Variants in CYRIA observed in about 807,000 individuals in gnomAD.
CYRIA encodes CYFIP-related Rac1 interactor A.
In CYRIA, 15 loss-of-function variants were observed where a neutral mutation model predicts 43.9. That is an observed-to-expected ratio of 0.34 (90% CI 0.23 to 0.53). CYRIA has a LOEUF of 0.53. Ranked by LOEUF, CYRIA falls within the 20% of genes least tolerant of loss-of-function variation. The pLI is 0.94. For synonymous variants in CYRIA, 117 were observed against 136.0 expected, an observed-to-expected ratio of 0.86 and a Z score of 0.97; for missense variants, 236 against 394.2, an observed-to-expected ratio of 0.60 and a Z score of 3.40.
chr2:16,562,592 C>T (rs1443508909), intron 5 of CYRIA, among the ~76,000 whole-genome samples: 1 of 152,122 alleles, frequency 6.6e-6, no homozygotes. Context: ...CTAACCTAAT[C>T]CCAAGAATAT....
chr2:16,581,396 A>C (rs1255921466), intron 3 of CYRIA, among the ~76,000 whole-genome samples: 1 of 152,170 alleles, frequency 6.6e-6, no homozygotes, highest in Admixed American at 6.5e-5. Context: ...ACACCATGGG[A>C]TGCTACCCCA....
chr2:16,624,198 C>T (rs1669090092), intron 1 of CYRIA, among the ~76,000 whole-genome samples, 179 bp from the exon 2 acceptor site: 1 of 152,168 alleles, frequency 6.6e-6, no homozygotes, highest in African/African-American at 2.4e-5. Context: ...TTGAGGCTCA[C>T]AGAAGAAAGC....
Position 16,557,121 on chromosome 2 carries a change from A to G in CYRIA, c.838-1982T>C, listed in dbSNP as rs897986787. 4.6e-5 allele frequency among the ~76,000 whole-genome samples: 7 copies of G among 152,296 alleles called. No homozygotes were observed. In the South Asian group the frequency reaches 8.3e-4, roughly 18 times the overall value. On this transcript the variant is annotated intron_variant, in intron 10 of 11. Transcript: ENST00000381323. ...TCTAAGGAAATCAATTGAAAACACC[A>G]TCTCCCCAAACCCTCCTTTCCTGGC...
chr2:16,593,727 T>G (rs1213876050), intron 2 of CYRIA, among the ~76,000 whole-genome samples: 11 of 142,192 alleles, frequency 7.7e-5, no homozygotes, highest in Non-Finnish European at 1.1e-4. Context: ...TGTTTTTTTT[T>G]TTTTTTTTTT....
At chr2:16,590,607 A>G (rs1219953818) in intron 2 of CYRIA, among the ~76,000 whole-genome samples, 2 of 152,156 alleles carry the variant, frequency 1.3e-5, no homozygotes, top group Non-Finnish European at 2.9e-5. Context: ...AACACAAGTA[A>G]AAGTATGTCC....
chr2:16,560,803 G>A, intron 9 of CYRIA, 187 bp downstream of exon 9: 1 of 605,258 alleles, frequency 1.7e-6, no homozygotes, highest in Admixed American at 2.9e-5. Context: ...TTGGGCCTCA[G>A]CTTCTTCAGC....
intron 3 of CYRIA, among the ~76,000 whole-genome samples, chr2:16,580,456 T>A (rs1253181022): frequency 6.6e-6 from 1 of 152,150 alleles, no homozygotes; most frequent in Non-Finnish European, 1.5e-5. Context: ...CACTTTTATA[T>A]TAAAAACTGT....
At chr2:16,593,672 T>G (rs1484327305) in intron 2 of CYRIA, among the ~76,000 whole-genome samples, 1 of 150,990 alleles carries the variant, frequency 6.6e-6, no homozygotes, top group Non-Finnish European at 1.5e-5. Context: ...CATCAAAGAT[T>G]TAACTTTATT....
At chr2:16,560,856 T>C in intron 9 of CYRIA, 134 bp downstream of exon 9, 1 of 770,398 alleles carries the variant, frequency 1.3e-6, no homozygotes, top group Non-Finnish European at 2.2e-6. Flanking sequence ...GAGTTCTTAG[T>C]GAAATTAAAG....
chr2:16,651,242 A>C (rs1452631990), intron 1 of CYRIA, among the ~76,000 whole-genome samples: 1 of 152,160 alleles, frequency 6.6e-6, no homozygotes, highest in Non-Finnish European at 1.5e-5. Flanking sequence ...ATACCCACAG[A>C]TGCTGTTTTC....
At chr2:16,660,411 G>A (rs1217831944) in intron 1 of CYRIA, among the ~76,000 whole-genome samples, 1 of 152,106 alleles carries the variant, frequency 6.6e-6, no homozygotes, top group Non-Finnish European at 1.5e-5. Flanking sequence ...CGCCCATGTG[G>A]AGGGAAATTG....
At chr2:16,646,262 C>T (rs921855534) in intron 1 of CYRIA, among the ~76,000 whole-genome samples, 2 of 152,238 alleles carry the variant, frequency 1.3e-5, no homozygotes, top group Non-Finnish European at 2.9e-5. Context: ...GGCCACTACC[C>T]TGTGGCTACA....
chr2:16,630,557 C>A (rs1019564170), intron 1 of CYRIA, among the ~76,000 whole-genome samples: 1 of 152,152 alleles, frequency 6.6e-6, no homozygotes, highest in African/African-American at 2.4e-5. Context: ...AAAACACCTG[C>A]CAAACTGGCT....
chr2:16,555,190 GCCAATATCTAC>G (rs934875505), intron 10 of CYRIA, 51 bp from the exon 11 acceptor site: 1 of 1,462,532 alleles, frequency 6.8e-7, no homozygotes, highest in African/African-American at 1.4e-5. Flanking sequence ...TACTGTCTAT[GCCAATATCTAC>G]CCATAATAAC....
At chr2:16,619,960 GA>G (rs1668943603) in intron 2 of CYRIA, among the ~76,000 whole-genome samples, 4 of 152,196 alleles carry the variant, frequency 2.6e-5, no homozygotes, top group Non-Finnish European at 5.9e-5. Flanking sequence ...CCTGGGCAGA[GA>G]ACACATTTCA....
At chr2:16,579,330 C>A (rs1667464527) in intron 3 of CYRIA, among the ~76,000 whole-genome samples, 1 of 151,420 alleles carries the variant, frequency 6.6e-6, no homozygotes, top group Admixed American at 6.6e-5. Flanking sequence ...CCAGAGAGAC[C>A]TTGTTATGTG....
chr2:16,577,751 C>T (rs1168309984), intron 3 of CYRIA, among the ~76,000 whole-genome samples: 1 of 152,184 alleles, frequency 6.6e-6, no homozygotes, highest in Non-Finnish European at 1.5e-5. Flanking sequence ...TGAACCTTCA[C>T]CAAGTGCTAA....
chr2:16,563,798 C>T (rs1351968111), intron 5 of CYRIA, among the ~76,000 whole-genome samples, 191 bp downstream of exon 5: 2 of 152,108 alleles, frequency 1.3e-5, no homozygotes, highest in African/African-American at 2.4e-5. Flanking sequence ...CCAATAACTT[C>T]AGGGGAAGAA....
chr2:16,627,335 A>G (rs1669203682), intron 1 of CYRIA, among the ~76,000 whole-genome samples: 1 of 152,254 alleles, frequency 6.6e-6, no homozygotes, highest in Admixed American at 6.5e-5. Flanking sequence ...CACCAGCAGC[A>G]GAGCTTAGAC....
Sources: allele counts gnomAD v4.1 joint callset (sites outside exome capture counted in the v4.1 genomes callset), GRCh38; gene constraint gnomAD v4.1.1; transcripts MANE v1.5; gene names NCBI Gene and HGNC (gene_info 2026-07-23, HGNC 2026-07-21).